Variants in PMFBP1 observed in about 807,000 individuals in gnomAD.
PMFBP1 encodes the protein polyamine-modulated factor 1-binding protein 1.
A neutral mutation model predicts 137.8 loss-of-function variants in PMFBP1; 131 were observed. That is an observed-to-expected ratio of 0.95 (90% confidence interval 0.82 to 1.10). The LOEUF is 1.10. Ranked by LOEUF, PMFBP1 falls within the 50% of genes least tolerant of loss-of-function variation. PMFBP1 has a pLI of 0.00. For synonymous variants in PMFBP1, 490 were observed against 450.4 expected (o/e 1.09, Z -1.11); for missense variants, 1,199 against 1,175.4 (o/e 1.02, Z -0.29).
At chr16:72,227,422 A>G in the PMFBP1 span, among the ~76,000 whole-genome samples, 213 of 152,336 alleles carry the variant, frequency 1.4e-3, no homozygotes, top group African/African-American at 4.9e-3. Flanking sequence ...CATTTGGAAG[A>G]AAAGTGTAAG....
intron 5 of PMFBP1, among the ~76,000 whole-genome samples, chr16:72,149,641 G>A (rs1264888711): frequency 6.6e-6 from 1 of 152,062 alleles, no homozygotes; most frequent in Non-Finnish European, 1.5e-5. Flanking sequence ...TGGCTAACAC[G>A]GCGAAACCAT....
intron 4 of PMFBP1, among the ~76,000 whole-genome samples, chr16:72,152,446 G>A (rs1343400837): frequency 2.0e-5 from 3 of 152,158 alleles, no homozygotes; most frequent in Non-Finnish European, 1.5e-5. Flanking sequence ...GGATATTTAA[G>A]TGAAGGTGTT....
intron 5 of PMFBP1, among the ~76,000 whole-genome samples, chr16:72,141,924 T>C (rs1383308998): frequency 6.6e-6 from 1 of 152,030 alleles, no homozygotes; most frequent in East Asian, 1.9e-4. Context: ...TAAATGTCTT[T>C]CCCTAGATCG....
the PMFBP1 span, among the ~76,000 whole-genome samples, chr16:72,190,646 G>A: frequency 6.6e-3 from 1,001 of 152,274 alleles, 4 homozygotes; most frequent in Non-Finnish European, 0.011. Context: ...GTCAGAGGCA[G>A]GCGGGAGAAC....
rs773982086 is a variant in PMFBP1, at chr16:72,132,756, C to T, written c.1439G>A (p.Arg480Lys). 1.2e-5 allele frequency: 19 copies of T among 1,614,090 alleles called. No individual in the cohort carries two copies. The South Asian group carries it at 1.8e-4, about 15-fold the overall frequency. ...NSLEEAKQQE[R>K]LAAQQAAQCK... ...ACCTGCAGGGGCCTCACCAGCCAGC[C>T]TCTCCTGCTGCTTGGCCTCTTCGAG... is the stretch of plus-strand genomic sequence containing the variant. Residue 480 changes from arginine to lysine, a missense_variant, in exon 10 of 21, where the codon AGG becomes AAG. Coordinates refer to ENST00000237353, the MANE Select transcript of PMFBP1 (RefSeq NM_031293.3).
chr16:72,209,931 C>A, the PMFBP1 span, among the ~76,000 whole-genome samples: 2 of 152,218 alleles, frequency 1.3e-5, no homozygotes, highest in Non-Finnish European at 2.9e-5. Context: ...CTGACTACAG[C>A]CACTGCTGGG....
At chr16:72,161,094 CTTT>C (rs35611285) in intron 3 of PMFBP1, among the ~76,000 whole-genome samples, 2 of 124,940 alleles carry the variant, frequency 1.6e-5, no homozygotes, top group Non-Finnish European at 1.7e-5. Flanking sequence ...TTATCTGTTA[CTTT>C]TTTTTTTTTT....
the PMFBP1 span, among the ~76,000 whole-genome samples, chr16:72,239,022 A>C: frequency 6.6e-6 from 1 of 152,192 alleles, no homozygotes; most frequent in Non-Finnish European, 1.5e-5. Flanking sequence ...AAAAAAACAA[A>C]AAAACAGGAA....
upstream of PMFBP1, chr16:72,173,931 T>C (rs564257972): frequency 6.6e-6 from 1 of 152,402 alleles, no homozygotes; most frequent in Admixed American, 6.5e-5. Flanking sequence ...ACATATTCTG[T>C]TCTGCCTCTT....
At chr16:72,220,264 T>G in the PMFBP1 span, among the ~76,000 whole-genome samples, 2 of 152,228 alleles carry the variant, frequency 1.3e-5, no homozygotes, top group African/African-American at 4.8e-5. Context: ...AATAACAGTT[T>G]GAGAATTAGC....
At chr16:72,144,014 C>T (rs1426864002) in intron 5 of PMFBP1, among the ~76,000 whole-genome samples, 1 of 151,828 alleles carries the variant, frequency 6.6e-6, no homozygotes, top group Non-Finnish European at 1.5e-5. Flanking sequence ...GCACTCCAGC[C>T]TGGGCAACAA....
At chr16:72,226,530 TA>T in the PMFBP1 span, among the ~76,000 whole-genome samples, 9 of 152,314 alleles carry the variant, frequency 5.9e-5, no homozygotes, top group East Asian at 1.7e-3. Context: ...TGCTTCTCAC[TA>T]AAGGATACAG....
At chr16:72,213,133 A>T in the PMFBP1 span, among the ~76,000 whole-genome samples, 1 of 149,922 alleles carries the variant, frequency 6.7e-6, no homozygotes, top group African/African-American at 2.4e-5. Flanking sequence ...ACAGACATCA[A>T]CTTAAGAAAG....
chr16:72,228,612 C>T, the PMFBP1 span, among the ~76,000 whole-genome samples: 2 of 152,294 alleles, frequency 1.3e-5, no homozygotes, highest in East Asian at 3.9e-4. Flanking sequence ...CAGTCCCCAG[C>T]ATAACGTCTG....
the PMFBP1 span, among the ~76,000 whole-genome samples, chr16:72,189,625 G>C: frequency 2.0e-5 from 3 of 152,202 alleles, no homozygotes; most frequent in Non-Finnish European, 4.4e-5. Context: ...AGTAAGAAGA[G>C]GAAAACCAAG....
chr16:72,172,424 G>A (rs148926040), upstream of PMFBP1: 2 of 149,278 alleles, frequency 1.3e-5, no homozygotes, highest in Admixed American at 6.8e-5. Flanking sequence ...CAATATCCTC[G>A]TAGTCCTCAG....
intron 3 of PMFBP1, among the ~76,000 whole-genome samples, chr16:72,161,261 CTA>C (rs1242657350): frequency 6.6e-6 from 1 of 151,954 alleles, no homozygotes; most frequent in African/African-American, 2.4e-5. Flanking sequence ...CCATGCCTGG[CTA>C]ATTTTTGTAT....
intron 5 of PMFBP1, among the ~76,000 whole-genome samples, chr16:72,146,238 G>A (rs1311835293): frequency 1.3e-5 from 2 of 152,134 alleles, no homozygotes; most frequent in African/African-American, 4.8e-5. Context: ...ATCAATAAAC[G>A]TAATCCATCA....
chr16:72,136,445 T>G lies in PMFBP1; in HGVS notation c.1203+3A>C, dbSNP rs2042632648. The G allele has an allele frequency of 1.2e-6, 2 of 1,612,650 alleles. No individual in the cohort carries two copies. The highest frequency in any genetic ancestry group is 2.7e-5 in the African/African-American group (2 of 74,724). ...GAACCCCAACCAGAGTTCCTCACTT[T>G]ACCTTGTCTTTCTTCAAAGTGAGCT... On this transcript the variant is annotated splice_donor_region_variant and intron_variant, in intron 9 of 20. Coordinates refer to ENST00000237353, the MANE Select transcript of PMFBP1 (RefSeq NM_031293.3).
Sources: allele counts gnomAD v4.1 joint callset (sites outside exome capture counted in the v4.1 genomes callset), GRCh38; gene constraint gnomAD v4.1.1; transcripts MANE v1.5; gene names NCBI Gene and HGNC (gene_info 2026-07-23, HGNC 2026-07-21).